The following POLR3B variants were observed in gnomAD, a reference collection of about 807,000 sequenced individuals.
POLR3B encodes the protein RNA polymerase III subunit B, also known as DNA-directed RNA polymerase III subunit RPC2.
In POLR3B, 96 loss-of-function variants were observed where a neutral mutation model predicts 147.4. The observed-to-expected ratio is 0.65, with a 90% CI of 0.55 to 0.77. The LOEUF (loss-of-function observed/expected upper bound fraction) is 0.77. Among genes scored for constraint, POLR3B ranks in the 30% least tolerant of loss-of-function variants. The pLI, the probability that POLR3B is intolerant of heterozygous loss-of-function variation, is 0.00. For missense variants in POLR3B, 1,036 were observed against 1,413.5 expected, an observed-to-expected ratio of 0.73 and a Z score of 4.28; for synonymous variants, 461 against 485.9, an observed-to-expected ratio of 0.95 and a Z score of 0.67.
chr12:106,418,910 T>G (rs1029434911), intron 12 of POLR3B, among the ~76,000 whole-genome samples: 25 of 152,210 alleles, frequency 1.6e-4, no homozygotes, highest in African/African-American at 6.0e-4. Flanking sequence ...TACTTTTTAC[T>G]TCTTTAGTAC....
chr12:106,444,896 T>C (rs2037701562), intron 19 of POLR3B, among the ~76,000 whole-genome samples: 1 of 152,066 alleles, frequency 6.6e-6, no homozygotes, highest in Non-Finnish European at 1.5e-5. Context: ...CCCTATAAGA[T>C]GTAACTTGTT....
At chr12:106,491,288 C>A (rs2038405611) in intron 23 of POLR3B, among the ~76,000 whole-genome samples, 1 of 152,158 alleles carries the variant, frequency 6.6e-6, no homozygotes. Flanking sequence ...CCCCCGCACC[C>A]CCAAAGTAAC....
intron 10 of POLR3B, among the ~76,000 whole-genome samples, chr12:106,403,323 A>G (rs1446532334): frequency 6.6e-6 from 1 of 150,570 alleles, no homozygotes; most frequent in African/African-American, 2.4e-5. Context: ...GGTGCTGGAG[A>G]GGATGTGGAG....
intron 25 of POLR3B, among the ~76,000 whole-genome samples, chr12:106,500,689 A>C (rs1215516526): frequency 6.6e-6 from 1 of 152,170 alleles, no homozygotes; most frequent in East Asian, 1.9e-4. Context: ...AGGAAACGGT[A>C]AGTCAGAGGC....
chr12:106,369,411 A>G lies in POLR3B; in HGVS notation c.303+61A>G, dbSNP rs2036574345. ...CTTTAACTCAGAGTCTGCCCTTAAT[A>G]TATACTCTTAAAAGATCATTTAAAA... On this transcript the variant is annotated intron_variant, in intron 5 of 27. Transcript: ENST00000228347. 2.9e-6 allele frequency: 3 copies of G among 1,028,216 alleles called. No individual in the cohort carries two copies. In the African/African-American group the frequency reaches 4.7e-5, roughly 16 times the overall value. The allele number at this position is 1,028,216 out of a possible 1,614,324, so 63.7% of individuals were successfully genotyped here. A position where few individuals can be genotyped will look rare whatever the true frequency, so the allele number is the denominator to read the frequency against.
At chr12:106,428,587 T>TCTACTTG (rs2037467325) in intron 13 of POLR3B, among the ~76,000 whole-genome samples, 1 of 152,178 alleles carries the variant, frequency 6.6e-6, no homozygotes, top group African/African-American at 2.4e-5. Flanking sequence ...TTCACTCCCA[T>TCTACTTG]CTACTTGCTG....
At chr12:106,399,700 A>G (rs2037034527) in intron 10 of POLR3B, among the ~76,000 whole-genome samples, 1 of 152,214 alleles carries the variant, frequency 6.6e-6, no homozygotes, top group South Asian at 2.1e-4. Context: ...AGAATTTTCA[A>G]CCCAGAATTT....
At chr12:106,486,456 C>A (rs992029722) in intron 23 of POLR3B, among the ~76,000 whole-genome samples, 2 of 152,124 alleles carry the variant, frequency 1.3e-5, no homozygotes, top group African/African-American at 4.8e-5. Context: ...TGGCTCTTTT[C>A]TCTTCTTGTA....
chr12:106,432,200 C>T, intron 14 of POLR3B, 118 bp from the exon 15 acceptor site: 1 of 871,220 alleles, frequency 1.1e-6, no homozygotes. Context: ...ACAGTATCCC[C>T]TACAAAGTTG....
At chr12:106,437,835 C>A in intron 18 of POLR3B, 56 bp downstream of exon 18, 1 of 944,552 alleles carries the variant, frequency 1.1e-6, no homozygotes, top group South Asian at 1.3e-5. Context: ...TAGAAACTAC[C>A]TTCTCTTTTA....
intron 1 of POLR3B, among the ~76,000 whole-genome samples, chr12:106,358,730 T>G (rs7976811): frequency 0.016 from 2,377 of 152,158 alleles, 60 homozygotes; most frequent in African/African-American, 0.054. Flanking sequence ...CCATTGGATG[T>G]TTTTGAGGAA....
chr12:106,483,201 G>A (rs138663685), intron 23 of POLR3B, among the ~76,000 whole-genome samples: 3 of 152,254 alleles, frequency 2.0e-5, no homozygotes, highest in Middle Eastern at 3.4e-3. Flanking sequence ...CTGTATTTTC[G>A]ATTCATATCT....
intron 11 of POLR3B, among the ~76,000 whole-genome samples, chr12:106,409,971 T>G (rs752102405): frequency 7.2e-5 from 11 of 152,180 alleles, no homozygotes; most frequent in Non-Finnish European, 1.3e-4. Flanking sequence ...TGAGCCAGAT[T>G]CATTCATATG....
intron 12 of POLR3B, among the ~76,000 whole-genome samples, chr12:106,422,922 A>G (rs1347438202): frequency 6.6e-6 from 1 of 152,158 alleles, no homozygotes; most frequent in African/African-American, 2.4e-5. Flanking sequence ...TAAAATATGT[A>G]GGCTTTTTAT....
intron 6 of POLR3B, among the ~76,000 whole-genome samples, chr12:106,372,347 T>G (rs930758959): frequency 3.3e-5 from 5 of 149,350 alleles, no homozygotes; most frequent in Admixed American, 2.0e-4. Context: ...TTTTTTTTTT[T>G]TTTTTTTTTG....
chr12:106,472,131 C>T lies in POLR3B; in HGVS notation c.2713+8511C>T, dbSNP rs1410169892. Among the ~76,000 whole-genome samples, 86 of 127,118 alleles carry T rather than the reference C, an allele frequency of 6.8e-4. 1 individual carries two copies. The highest frequency in any genetic ancestry group is 1.4e-3 in the South Asian group (5 of 3,572). 83.4% of individuals were successfully genotyped at this position (127,118 alleles called of 152,430 possible). On this transcript the variant is annotated intron_variant, in intron 23 of 27. Coordinates refer to ENST00000228347, the MANE Select transcript of POLR3B (RefSeq NM_018082.6). ...TGCGGTGTTTGGTTTTTTGTTCTTG[C>T]GATAGTTTACTGAGAATGATGGTTT...
At chr12:106,433,184 A>C (rs1256556158) in intron 15 of POLR3B, among the ~76,000 whole-genome samples, 3 of 152,208 alleles carry the variant, frequency 2.0e-5, no homozygotes, top group Non-Finnish European at 2.9e-5. Context: ...CTGACTGCCT[A>C]GTTCATTGTA....
At chr12:106,369,042 TG>T (rs1401583864) in intron 4 of POLR3B, among the ~76,000 whole-genome samples, 3 of 152,222 alleles carry the variant, frequency 2.0e-5, no homozygotes, top group Non-Finnish European at 4.4e-5. Flanking sequence ...CCAGTATTTT[TG>T]TAAAGAGATT....
chr12:106,358,101 T>C, intron 1 of POLR3B, 150 bp downstream of exon 1: 2 of 1,513,782 alleles, frequency 1.3e-6, no homozygotes, highest in Non-Finnish European at 1.8e-6. Flanking sequence ...CGCTTGCGAG[T>C]CTTTTTTCCA....
Sources: allele counts gnomAD v4.1 joint callset (sites outside exome capture counted in the v4.1 genomes callset), GRCh38; gene constraint gnomAD v4.1.1; transcripts MANE v1.5; gene names NCBI Gene and HGNC (gene_info 2026-07-23, HGNC 2026-07-21).